Variants in RALYL observed in about 807,000 individuals in gnomAD.
RALYL encodes RNA-binding Raly-like protein.
A neutral mutation model predicts 35.1 loss-of-function variants in RALYL; 29 were observed. That is an observed-to-expected ratio of 0.83 (90% CI 0.61 to 1.13). RALYL has a LOEUF of 1.13. Among genes scored for constraint, RALYL ranks in the 50% most tolerant of loss-of-function variants. The pLI is 0.00. For missense variants in RALYL, 359 were observed against 360.4 expected (o/e 1.00, Z 0.03); for synonymous variants, 120 against 127.6 (o/e 0.94, Z 0.40).
chr8:84,702,539 TCACACA>T (rs10678224), intron 2 of RALYL, among the ~76,000 whole-genome samples: 1 of 136,462 alleles, frequency 7.3e-6, no homozygotes, highest in Non-Finnish European at 1.5e-5. Flanking sequence ...TCTCTCTCTC[TCACACA>T]CACACACACA....
At chr8:84,471,227 G>A (rs914577245) in intron 1 of RALYL, among the ~76,000 whole-genome samples, 1 of 152,084 alleles carries the variant, frequency 6.6e-6, no homozygotes, top group Non-Finnish European at 1.5e-5. Flanking sequence ...TTGCTATTAA[G>A]AGAAATGCAG....
intron 1 of RALYL, among the ~76,000 whole-genome samples, chr8:84,423,757 T>C (rs2045980885): frequency 6.6e-6 from 1 of 151,884 alleles, no homozygotes; most frequent in Non-Finnish European, 1.5e-5. Flanking sequence ...GGTGACAAAA[T>C]CGGTCAGCAT....
At chr8:84,518,124 C>A (rs182534509) in intron 1 of RALYL, among the ~76,000 whole-genome samples, 1 of 152,136 alleles carries the variant, frequency 6.6e-6, no homozygotes, top group African/African-American at 2.4e-5. Context: ...TAAGTGGAGA[C>A]AACAAATGTC....
At chr8:84,920,599 G>C (rs1451143929) in intron 8 of RALYL, among the ~76,000 whole-genome samples, 3 of 151,944 alleles carry the variant, frequency 2.0e-5, no homozygotes, top group Non-Finnish European at 1.5e-5. Flanking sequence ...AACTTTAAGT[G>C]GTTCCTCCTT....
chr8:84,256,405 A>C (rs28725264), intron 1 of RALYL, among the ~76,000 whole-genome samples: 11,700 of 152,202 alleles, frequency 0.077, 511 homozygotes, highest in Middle Eastern at 0.11. Context: ...ATCGAATAGC[A>C]GGTAAGGGGC....
At chr8:84,912,650 A>AATAGTTCCCAGTGCCAT (rs1380975605) in intron 8 of RALYL, among the ~76,000 whole-genome samples, 1 of 152,082 alleles carries the variant, frequency 6.6e-6, no homozygotes, top group Non-Finnish European at 1.5e-5. Flanking sequence ...TGCTAATCAA[A>AATAGTTCCCAGTGCCAT]ATAGTTCCCA....
chr8:84,229,155 C>T (rs1020235670), intron 1 of RALYL, among the ~76,000 whole-genome samples: 7 of 152,126 alleles, frequency 4.6e-5, no homozygotes, highest in African/African-American at 1.7e-4. Context: ...ATCAATCAGC[C>T]ATTTTGGTGG....
At chr8:84,595,897 G>A (rs1308331674) in intron 2 of RALYL, among the ~76,000 whole-genome samples, 3 of 151,546 alleles carry the variant, frequency 2.0e-5, no homozygotes, top group Admixed American at 6.6e-5. Context: ...GCAGGATCCT[G>A]AGCAAGAGTA....
chr8:84,554,567 A>G (rs899102370), intron 2 of RALYL, among the ~76,000 whole-genome samples: 2 of 152,194 alleles, frequency 1.3e-5, no homozygotes, highest in African/African-American at 2.4e-5. Flanking sequence ...ATGGAGACAC[A>G]TAGTCCCAGT....
intron 7 of RALYL, among the ~76,000 whole-genome samples, chr8:84,877,919 A>T (rs558517754): frequency 6.6e-6 from 1 of 152,304 alleles, no homozygotes; most frequent in African/African-American, 2.4e-5. Context: ...GTTAAAGATG[A>T]TGAATTAAAC....
At chr8:84,474,820 C>T (rs1348265149) in intron 1 of RALYL, among the ~76,000 whole-genome samples, 3 of 152,026 alleles carry the variant, frequency 2.0e-5, no homozygotes, top group Non-Finnish European at 4.4e-5. Context: ...ATGTCTATTT[C>T]TTCGAAAAAA....
chr8:84,823,812 A>G (rs894866750), intron 4 of RALYL, among the ~76,000 whole-genome samples: 1 of 151,578 alleles, frequency 6.6e-6, no homozygotes, highest in Non-Finnish European at 1.5e-5. Flanking sequence ...CAGCTTCTCT[A>G]TATTTTTTCT....
intron 1 of RALYL, among the ~76,000 whole-genome samples, chr8:84,196,548 G>A (rs769833077): frequency 6.6e-6 from 1 of 151,912 alleles, no homozygotes; most frequent in Non-Finnish European, 1.5e-5. Flanking sequence ...TCTGTTTTTT[G>A]TGCTAAGTCT....
intron 2 of RALYL, among the ~76,000 whole-genome samples, chr8:84,764,973 T>C (rs569127979): frequency 6.6e-6 from 1 of 152,350 alleles, no homozygotes; most frequent in South Asian, 2.1e-4. Flanking sequence ...GGGTGTGCTG[T>C]ACTTGCTTTT....
At chr8:84,613,299 A>T (rs1818717280) in intron 2 of RALYL, among the ~76,000 whole-genome samples, 1 of 151,652 alleles carries the variant, frequency 6.6e-6, no homozygotes, top group Admixed American at 6.6e-5. Flanking sequence ...ATATATACTT[A>T]AAGAAATAAA....
At chr8:84,564,620 C>G (rs1028670947) in intron 2 of RALYL, among the ~76,000 whole-genome samples, 1 of 151,526 alleles carries the variant, frequency 6.6e-6, no homozygotes, top group African/African-American at 2.4e-5. Context: ...TCCTGCTAAT[C>G]GTTGCATGGC....
At chr8:84,702,550 C>G (rs1367135258) in intron 2 of RALYL, among the ~76,000 whole-genome samples, 1 of 151,656 alleles carries the variant, frequency 6.6e-6, no homozygotes, top group Non-Finnish European at 1.5e-5. Context: ...CACACACACA[C>G]ACACACACAC....
chr8:84,392,930 G>A (rs1861029762), intron 1 of RALYL, among the ~76,000 whole-genome samples: 1 of 152,034 alleles, frequency 6.6e-6, no homozygotes, highest in South Asian at 2.1e-4. Flanking sequence ...TTCATTCACT[G>A]TTAGTCAATT....
At chr8:84,841,931 T>C (rs1269147245) in intron 4 of RALYL, among the ~76,000 whole-genome samples, 1 of 151,976 alleles carries the variant, frequency 6.6e-6, no homozygotes, top group Non-Finnish European at 1.5e-5. Flanking sequence ...GAGAACAAAG[T>C]CACAACATAC....
Sources: gnomAD v4.1 joint callset for allele counts (sites outside exome capture counted in the v4.1 genomes callset) on GRCh38, gnomAD v4.1.1 for gene constraint, MANE v1.5 for transcripts, NCBI Gene and HGNC (gene_info 2026-07-23, HGNC 2026-07-21) for gene names.